CDH12: variants seen among roughly 807,000 people sequenced by gnomAD.
The protein encoded by CDH12 is cadherin-12.
In CDH12, 41 loss-of-function variants were observed where a neutral mutation model predicts 74.1. The observed-to-expected ratio is 0.55, with a 90% confidence interval of 0.43 to 0.72. The LOEUF (loss-of-function observed/expected upper bound fraction) is 0.72, where lower values mean the gene tolerates loss of function less well. Among genes scored for constraint, CDH12 ranks in the 30% least tolerant of loss-of-function variants. The pLI, the probability that CDH12 is intolerant of heterozygous loss-of-function variation, is 0.00. For synonymous variants in CDH12, 399 were observed against 355.0 expected (o/e 1.12, Z -1.39); for missense variants, 945 against 977.2 (o/e 0.97, Z 0.44).
intron 3 of CDH12, among the ~76,000 whole-genome samples, chr5:22,306,532 T>C (rs1294108270): frequency 6.6e-6 from 1 of 152,194 alleles, no homozygotes; most frequent in Non-Finnish European, 1.5e-5. Flanking sequence ...TCAAGAAATT[T>C]ACTTTACTTT....
At chr5:22,211,870 A>T (rs1251091012) in intron 4 of CDH12, among the ~76,000 whole-genome samples, 3 of 151,796 alleles carry the variant, frequency 2.0e-5, no homozygotes, top group Non-Finnish European at 4.4e-5. Context: ...TTTTTTATTC[A>T]TGTCATAAAA....
At chr5:21,939,635 C>T (rs1182023858) in intron 6 of CDH12, among the ~76,000 whole-genome samples, 2 of 151,938 alleles carry the variant, frequency 1.3e-5, no homozygotes, top group Admixed American at 1.3e-4. Flanking sequence ...ACTAAATACA[C>T]AAATAAGGGA....
chr5:22,288,239 A>G (rs146783141), intron 3 of CDH12, among the ~76,000 whole-genome samples: 15 of 152,326 alleles, frequency 9.8e-5, no homozygotes, highest in African/African-American at 3.6e-4. Flanking sequence ...ACTTGAAGAT[A>G]GAGAACATGA....
intron 1 of CDH12, among the ~76,000 whole-genome samples, chr5:22,711,073 G>A (rs1340329641): frequency 6.6e-6 from 1 of 151,576 alleles, no homozygotes; most frequent in Non-Finnish European, 1.5e-5. Flanking sequence ...ATTACGCAGT[G>A]TTTTTATCCT....
chr5:21,851,980 A>T (rs1750490536), intron 7 of CDH12, among the ~76,000 whole-genome samples: 1 of 151,448 alleles, frequency 6.6e-6, no homozygotes, highest in Non-Finnish European at 1.5e-5. Context: ...AATGTGGAAA[A>T]TTTCAGATAA....
chr5:22,486,211 T>G (rs2126632482), intron 2 of CDH12, among the ~76,000 whole-genome samples: 1 of 152,318 alleles, frequency 6.6e-6, no homozygotes, highest in Middle Eastern at 3.4e-3. Flanking sequence ...AACATAGTTC[T>G]AGTTATAGTC....
At chr5:22,621,679 T>A (rs915068812) in intron 1 of CDH12, among the ~76,000 whole-genome samples, 1 of 152,064 alleles carries the variant, frequency 6.6e-6, no homozygotes. Context: ...TTAGAAATAA[T>A]AAATACTACA....
At chr5:22,498,703 G>A (rs772843133) in intron 2 of CDH12, among the ~76,000 whole-genome samples, 21 of 151,670 alleles carry the variant, frequency 1.4e-4, no homozygotes, top group Admixed American at 2.6e-4. Flanking sequence ...GTCTTTTTTA[G>A]TTGTAGTTTT....
At chr5:22,511,421 A>G (rs934116515) in intron 1 of CDH12, among the ~76,000 whole-genome samples, 10 of 152,202 alleles carry the variant, frequency 6.6e-5, no homozygotes, top group African/African-American at 2.4e-4. Flanking sequence ...GGAAATCTAT[A>G]AATGGAATAT....
intron 4 of CDH12, among the ~76,000 whole-genome samples, chr5:22,138,588 G>C (rs1746590620): frequency 6.6e-6 from 1 of 150,454 alleles, no homozygotes; most frequent in Non-Finnish European, 1.5e-5. Flanking sequence ...TCTTGAATTT[G>C]ATGGAAGCAT....
intron 6 of CDH12, among the ~76,000 whole-genome samples, chr5:21,884,860 T>G (rs1347885868): frequency 2.0e-5 from 3 of 152,164 alleles, no homozygotes; most frequent in African/African-American, 7.2e-5. Context: ...GGGTAATAAC[T>G]TATTATAAAA....
intron 6 of CDH12, among the ~76,000 whole-genome samples, chr5:21,891,106 A>G (rs921252346): frequency 3.9e-5 from 6 of 152,108 alleles, no homozygotes; most frequent in Non-Finnish European, 7.4e-5. Flanking sequence ...CACCAGATCT[A>G]TCCTGAGTTG....
At chr5:22,209,253 A>T (rs1751396487) in intron 4 of CDH12, among the ~76,000 whole-genome samples, 2 of 152,196 alleles carry the variant, frequency 1.3e-5, no homozygotes, top group South Asian at 4.1e-4. Flanking sequence ...TAATTGAAAA[A>T]TATTACCACA....
At chr5:22,035,989 T>A (rs1739153012) in intron 5 of CDH12, among the ~76,000 whole-genome samples, 1 of 152,148 alleles carries the variant, frequency 6.6e-6, no homozygotes, top group Non-Finnish European at 1.5e-5. Context: ...TCAGTTAAGG[T>A]TAAACTAGAA....
At chr5:21,938,717 A>AATATAT (rs1554046002) in intron 6 of CDH12, among the ~76,000 whole-genome samples, 3 of 106,698 alleles carry the variant, frequency 2.8e-5, no homozygotes, top group African/African-American at 1.4e-4. Context: ...TTATATATAT[A>AATATAT]ATATACATAT....
intron 1 of CDH12, among the ~76,000 whole-genome samples, chr5:22,564,994 T>C (rs546496610): frequency 7.2e-4 from 109 of 152,298 alleles, no homozygotes; most frequent in Middle Eastern, 3.4e-3. Context: ...TGGAGTGCAG[T>C]GGAGCAATCT....
At chr5:21,853,367 T>C (rs751428467) in intron 7 of CDH12, among the ~76,000 whole-genome samples, 4 of 151,580 alleles carry the variant, frequency 2.6e-5, no homozygotes, top group Non-Finnish European at 4.4e-5. Context: ...ACTCCCTTCT[T>C]AGTGGAGTTC....
chr5:21,969,871 T>G (rs897163333), intron 6 of CDH12, among the ~76,000 whole-genome samples: 1 of 152,184 alleles, frequency 6.6e-6, no homozygotes, highest in Non-Finnish European at 1.5e-5. Flanking sequence ...CAGAATTGGT[T>G]CTGGGATATT....
chr5:22,548,677 G>A (rs879430339), intron 1 of CDH12, among the ~76,000 whole-genome samples: 8 of 151,736 alleles, frequency 5.3e-5, no homozygotes, highest in Non-Finnish European at 1.2e-4. Context: ...TAACATATCC[G>A]ACCCACCTAT....
Sources: gnomAD v4.1 joint callset for allele counts (sites outside exome capture counted in the v4.1 genomes callset) on GRCh38, gnomAD v4.1.1 for gene constraint, MANE v1.5 for transcripts, NCBI Gene and HGNC (gene_info 2026-07-23, HGNC 2026-07-21) for gene names.